WWOX: variants seen among roughly 807,000 people sequenced by gnomAD.
WWOX encodes the protein WW domain containing oxidoreductase.
Under a neutral mutation model 46.2 loss-of-function variants are expected in WWOX, and 69 were observed. The ratio of observed to expected loss-of-function variants is 1.49; its 90% CI spans 1.23 to 1.82. WWOX has a LOEUF of 1.82. Ranked by LOEUF, WWOX falls within the 40% of genes most tolerant of loss-of-function variation. The probability of loss-of-function intolerance (pLI) is 0.00; values close to 1 mark genes in which losing one functional copy is unlikely to be tolerated. For missense variants in WWOX, 919 were observed against 542.6 expected (o/e 1.69, Z -6.89); for synonymous variants, 359 against 202.6 (o/e 1.77, Z -6.56).
intron 8 of WWOX, among the ~76,000 whole-genome samples, chr16:78,666,807 A>G (rs1355635593): frequency 6.6e-6 from 1 of 152,210 alleles, no homozygotes; most frequent in Non-Finnish European, 1.5e-5. Context: ...TCTAGAAAGA[A>G]GAGATAAAAG....
At chr16:78,171,335 ATTCAGTGAC>A (rs1389312524) in intron 5 of WWOX, among the ~76,000 whole-genome samples, 1 of 152,202 alleles carries the variant, frequency 6.6e-6, no homozygotes, top group African/African-American at 2.4e-5. Context: ...GCTCCTTAAA[ATTCAGTGAC>A]TTTATGAGCT....
chr16:78,213,627 TA>T (rs1382326669), intron 5 of WWOX, among the ~76,000 whole-genome samples: 1 of 151,402 alleles, frequency 6.6e-6, no homozygotes, highest in Non-Finnish European at 1.5e-5. Flanking sequence ...ACTTACAGAT[TA>T]AAAAAAGAAC....
intron 8 of WWOX, among the ~76,000 whole-genome samples, chr16:79,039,593 C>G (rs1054574193): frequency 1.3e-5 from 2 of 152,242 alleles, no homozygotes; most frequent in African/African-American, 4.8e-5. Context: ...GATGCCAGCA[C>G]TGGCGAGGGT....
intron 4 of WWOX, among the ~76,000 whole-genome samples, chr16:78,154,222 G>A (rs1312559888): frequency 1.3e-5 from 2 of 152,234 alleles, no homozygotes; most frequent in African/African-American, 4.8e-5. Flanking sequence ...ACCTTGAGCT[G>A]CTCGGGATAA....
At chr16:78,817,172 C>CTTTTTT (rs33981779) in intron 8 of WWOX, among the ~76,000 whole-genome samples, 1,799 of 51,482 alleles carry the variant, frequency 0.035, 400 homozygotes, top group Non-Finnish European at 0.041. Context: ...TAGTGCTATT[C>CTTTTTT]TTTTTTTTTT....
chr16:78,575,315 T>C (rs2667522), intron 8 of WWOX, among the ~76,000 whole-genome samples: 2 of 150,804 alleles, frequency 1.3e-5, no homozygotes, highest in African/African-American at 4.9e-5. Flanking sequence ...ATCTCCCTAA[T>C]ACTGTTCCTA....
intron 8 of WWOX, among the ~76,000 whole-genome samples, chr16:79,172,686 G>A (rs12373089): frequency 0.14 from 20,777 of 152,134 alleles, 1,659 homozygotes; most frequent in East Asian, 0.27. Context: ...GCACGCGCAC[G>A]TATGTGTGTG....
At chr16:78,459,785 G>T (rs1305967771) in intron 8 of WWOX, among the ~76,000 whole-genome samples, 1 of 151,982 alleles carries the variant, frequency 6.6e-6, no homozygotes, top group African/African-American at 2.4e-5. Context: ...CTGAAAAATT[G>T]TTAGACTAGA....
chr16:78,991,600 C>CAAAAAATA lies in WWOX; in HGVS notation c.1057-220002_1057-220001insTAAAAAAA, dbSNP rs1555508106. 3.8e-5 allele frequency among the ~76,000 whole-genome samples: 3 copies of CAAAAAATA among 78,166 alleles called. 1 individual carries two copies. In the East Asian group the frequency reaches 1.4e-3, roughly 38 times the overall value. 51.3% of individuals were successfully genotyped at this position (78,166 alleles called of 152,430 possible). The stretch of plus-strand genomic sequence containing the variant: ...TGGGAGACACAGCAAGACCTTGTCT[C>CAAAAAATA]AAAAAAAAAAAAAAAGCCAGATTCT... On this transcript the variant is annotated intron_variant, in intron 8 of 8. Coordinates refer to ENST00000566780, the MANE Select transcript of WWOX (RefSeq NM_016373.4).
chr16:78,802,857 A>G (rs1327375815), intron 8 of WWOX, among the ~76,000 whole-genome samples: 1 of 138,912 alleles, frequency 7.2e-6, no homozygotes, highest in Non-Finnish European at 1.5e-5. Flanking sequence ...GACAGGTTGC[A>G]GTGAGACAAG....
chr16:78,607,251 T>A (rs2045781252), intron 8 of WWOX, among the ~76,000 whole-genome samples: 1 of 152,162 alleles, frequency 6.6e-6, no homozygotes, highest in Admixed American at 6.5e-5. Flanking sequence ...TATTTTCAAA[T>A]ACAATATTTA....
intron 8 of WWOX, among the ~76,000 whole-genome samples, chr16:78,860,975 G>A (rs567000521): frequency 2.0e-5 from 3 of 152,094 alleles, no homozygotes; most frequent in Non-Finnish European, 2.9e-5. Flanking sequence ...GCCGTAACTC[G>A]CAACTAATTT....
chr16:78,723,912 G>C (rs2048760483), intron 8 of WWOX, among the ~76,000 whole-genome samples: 1 of 152,102 alleles, frequency 6.6e-6, no homozygotes, highest in African/African-American at 2.4e-5. Flanking sequence ...AGTCTAGTTT[G>C]GATTATTTGA....
chr16:79,195,586 C>G (rs2051224039), intron 8 of WWOX, among the ~76,000 whole-genome samples: 1 of 152,196 alleles, frequency 6.6e-6, no homozygotes. Context: ...GCTCTGAAGC[C>G]ATGCCTCTCT....
intron 8 of WWOX, among the ~76,000 whole-genome samples, chr16:78,507,246 C>A (rs146545746): frequency 6.6e-6 from 1 of 152,124 alleles, no homozygotes; most frequent in South Asian, 2.1e-4. Context: ...AATATATAAA[C>A]GTAAATAAGA....
At chr16:78,736,478 T>C (rs1272568008) in intron 8 of WWOX, among the ~76,000 whole-genome samples, 1 of 152,218 alleles carries the variant, frequency 6.6e-6, no homozygotes, top group African/African-American at 2.4e-5. Context: ...CTGACCACCG[T>C]TGGTGTCTCA....
intron 8 of WWOX, among the ~76,000 whole-genome samples, chr16:78,921,658 A>T (rs2045382727): frequency 6.6e-6 from 1 of 152,172 alleles, no homozygotes; most frequent in South Asian, 2.1e-4. Flanking sequence ...GAGGTAAGAG[A>T]GGAATGGGTT....
intron 8 of WWOX, among the ~76,000 whole-genome samples, chr16:78,715,087 C>T (rs1274808229): frequency 6.6e-6 from 1 of 151,926 alleles, no homozygotes; most frequent in African/African-American, 2.4e-5. Context: ...TTGAGACCAA[C>T]CTGGGCCACA....
In WWOX at chr16:78,825,785, G is replaced by A. The variant is rs538753023; in HGVS notation, c.1057-385823G>A. 326 of 596,686 alleles carry A rather than the reference G, an allele frequency of 5.5e-4. 1 individual carries two copies. Among genetic ancestry groups the A allele is most frequent in the South Asian group, 6.9e-4 (37 of 53,498 alleles). The allele number at this position is 596,686 out of a possible 1,614,324, so 37.0% of individuals were successfully genotyped here. A position where few individuals can be genotyped will look rare whatever the true frequency, so the allele number is the denominator to read the frequency against. On this transcript the variant is annotated intron_variant, in intron 8 of 8. Coordinates refer to ENST00000566780, the MANE Select transcript of WWOX (RefSeq NM_016373.4). ...CCATGTTAACTAGTACATTGATGCT[G>A]TTGTGTGCCATGTGCTGCTCAGATA...
Sources: allele counts gnomAD v4.1 joint callset (sites outside exome capture counted in the v4.1 genomes callset), GRCh38; gene constraint gnomAD v4.1.1; transcripts MANE v1.5; gene names NCBI Gene and HGNC (gene_info 2026-07-23, HGNC 2026-07-21).